SCYL3: variants seen among roughly 807,000 people sequenced by gnomAD.
SCYL3 encodes SCY1 like pseudokinase 3, also known as protein-associating with the carboxyl-terminal domain of ezrin.
SCYL3 carries 35 observed loss-of-function variants against 73.8 expected under a neutral mutation model. The ratio of observed to expected loss-of-function variants is 0.47; its 90% CI spans 0.36 to 0.63. SCYL3 has a LOEUF of 0.63. SCYL3 is among the 20% of genes least tolerant of loss of function. The probability of loss-of-function intolerance (pLI) is 0.00; values close to 1 mark genes in which losing one functional copy is unlikely to be tolerated. For missense variants in SCYL3, 712 were observed against 798.9 expected (o/e 0.89, Z 1.31); for synonymous variants, 277 against 295.2 (o/e 0.94, Z 0.63).
chr1:169,859,904 C>G (rs188171443), intron 10 of SCYL3: 8 of 152,456 alleles, frequency 5.2e-5, no homozygotes, highest in African/African-American at 1.9e-4. Context: ...CTCCCAGGAG[C>G]TGGGGACTAC....
At position 169,849,931 on chromosome 1, in the gene SCYL3, A is replaced by G. The variant is rs766792909; in HGVS notation, c.*3782T>C. On this transcript the variant is annotated 3_prime_UTR_variant, in exon 13 of 13. Coordinates refer to ENST00000367771, the MANE Select transcript of SCYL3 (RefSeq NM_020423.7). ...TACATTTCATTTTGTGCTATCAGTC[A>G]TAAGGGTTAGGCTGATGAACCTAAA... 36 of 467,956 alleles carry G rather than the reference A, an allele frequency of 7.7e-5. No homozygotes were observed. Among genetic ancestry groups the G allele is most frequent in the South Asian group, 5.2e-4 (20 of 38,318 alleles). 29.0% of individuals were successfully genotyped at this position (467,956 alleles called of 1,614,324 possible).
At chr1:169,857,173 A>G (rs1659248742) in intron 11 of SCYL3, among the ~76,000 whole-genome samples, 1 of 152,202 alleles carries the variant, frequency 6.6e-6, no homozygotes, top group Non-Finnish European at 1.5e-5. Flanking sequence ...TAGGCCAACA[A>G]AAGTCACAAG....
rs1025267795 is a variant in SCYL3 at position 169,850,062 on chromosome 1, A to T, written c.*3651T>A. 7.0e-6 allele frequency: 4 copies of T among 568,510 alleles called. No homozygotes were observed. The South Asian group carries it at 9.0e-5, about 13-fold the overall frequency. 35.2% of individuals were successfully genotyped at this position (568,510 alleles called of 1,614,324 possible). ...TTAGTATGACCCAGCAGAAGTAATT[A>T]AAGCTTACAACACTTGTACAGAAGT... On this transcript the variant is annotated 3_prime_UTR_variant, in exon 13 of 13. Transcript: ENST00000367771.
Position 169,850,787 on chromosome 1 carries a change from CTG to C in SCYL3, c.*2924_*2925del. On this transcript the variant is annotated 3_prime_UTR_variant, in exon 13 of 13. Transcript: ENST00000367771. ...CTCCAGCCTGAGCGACAGAGTGAGA[CTG>C]TCTCAAAAAAGGACACTTGTAGTTC... 1 of 157,420 alleles carries C rather than the reference CTG, an allele frequency of 6.4e-6. No individual in the cohort carries two copies. Among genetic ancestry groups the C allele is most frequent in the East Asian group, 1.8e-4 (1 of 5,492 alleles). The allele number at this position is 157,420 out of a possible 1,614,324, so 9.8% of individuals were successfully genotyped here. A position where few individuals can be genotyped will look rare whatever the true frequency, so the allele number is the denominator to read the frequency against.
Position 169,870,240 on chromosome 1 carries a change from A to G in SCYL3, c.625+15T>C, listed in dbSNP as rs139347844. The G allele has an allele frequency of 9.6e-6, 15 of 1,567,918 alleles. No homozygotes were observed. The African/African-American group carries it at 1.2e-4, about 13-fold the overall frequency. On this transcript the variant is annotated intron_variant, in intron 6 of 12. Transcript: ENST00000367771. Reference sequence around the variant, plus strand: ...CTACTTATTCTATAGATGCAGTAGTATAACTCCAACTCACCCTGTTCATTT... The same window carrying G: ...CTACTTATTCTATAGATGCAGTAGTGTAACTCCAACTCACCCTGTTCATTT...
At position 169,851,923 on chromosome 1, in the gene SCYL3, G is replaced by A; in HGVS notation, c.*1790C>T. 1.2e-6 allele frequency: 2 copies of A among 1,614,058 alleles called. No individual in the cohort carries two copies. Reference sequence around the variant, plus strand: ...AATGTGACTGTAGAAGAAGCAAAGAGGTCATCTTTACAGGTATGGGCTGAT... The same window carrying A: ...AATGTGACTGTAGAAGAAGCAAAGAAGTCATCTTTACAGGTATGGGCTGAT... On this transcript the variant is annotated 3_prime_UTR_variant, in exon 13 of 13. Transcript: ENST00000367771.
intron 2 of SCYL3, among the ~76,000 whole-genome samples, chr1:169,883,709 A>G (rs1279986334): frequency 1.4e-5 from 2 of 141,126 alleles, no homozygotes; most frequent in East Asian, 2.1e-4. Flanking sequence ...GGTTTCTCCA[A>G]TTACATTTTT....
intron 2 of SCYL3, among the ~76,000 whole-genome samples, chr1:169,881,598 C>T (rs1661263173): frequency 6.6e-6 from 1 of 152,144 alleles, no homozygotes; most frequent in African/African-American, 2.4e-5. Flanking sequence ...CCTACAATCC[C>T]CTACCCTTCC....
chr1:169,882,557 G>A (rs1038484166), intron 2 of SCYL3, among the ~76,000 whole-genome samples: 1 of 152,238 alleles, frequency 6.6e-6, no homozygotes, highest in Non-Finnish European at 1.5e-5. Context: ...TCCACTGGGT[G>A]AAGCCAGCTG....
chr1:169,858,559 T>C (rs1022253634), intron 11 of SCYL3, among the ~76,000 whole-genome samples: 2 of 151,650 alleles, frequency 1.3e-5, no homozygotes, highest in Admixed American at 1.3e-4. Context: ...TAGTCATTTG[T>C]TATCATTACC....
At position 169,864,486 on chromosome 1, in the gene SCYL3, A is replaced by G; in HGVS notation, c.838T>C (p.Cys280Arg). Residue 280 changes from cysteine to arginine, a missense_variant, in exon 9 of 13, where the codon TGC becomes CGC. Transcript: ENST00000367771. ...FFKFLLDRVS[C>R]LSEELIASRL... ...GAAGCTATCAATTCCTCTGACAAGC[A>G]GCTGACTCTGTCCAGCAGAAATCTG... is the stretch of plus-strand genomic sequence containing the variant. 6.2e-7 allele frequency: 1 copy of G among 1,607,748 alleles called. No homozygotes were observed. Among genetic ancestry groups the G allele is most frequent in the South Asian group, 1.1e-5 (1 of 89,606 alleles).
intron 8 of SCYL3, among the ~76,000 whole-genome samples, chr1:169,866,567 G>T (rs1401507805): frequency 1.3e-5 from 2 of 152,178 alleles, no homozygotes; most frequent in Non-Finnish European, 2.9e-5. Context: ...GTCACACTAG[G>T]TCTTGTCTTT....
At chr1:169,884,298 C>T (rs10158922) in intron 2 of SCYL3, among the ~76,000 whole-genome samples, 2,854 of 151,826 alleles carry the variant, frequency 0.019, 59 homozygotes, top group African/African-American at 0.052. Flanking sequence ...TTTTTTATTT[C>T]GTTTTGTTTT....
rs1657850348 is a variant in SCYL3, at chr1:169,849,642, C to T, written c.*4071G>A. On this transcript the variant is annotated 3_prime_UTR_variant, in exon 13 of 13. Coordinates refer to ENST00000367771, the MANE Select transcript of SCYL3 (RefSeq NM_020423.7). ...CTGATTTATCACAGTGACTTTCAAA[C>T]CATTTTAATATTTCAAATATTCCAG... 1 of 1,445,258 alleles carries T rather than the reference C, an allele frequency of 6.9e-7. No individual in the cohort carries two copies. The highest frequency in any genetic ancestry group is 9.7e-7 in the Non-Finnish European group (1 of 1,030,226). The allele number at this position is 1,445,258 out of a possible 1,614,324, so 89.5% of individuals were successfully genotyped here.
intron 2 of SCYL3, among the ~76,000 whole-genome samples, chr1:169,883,566 G>T (rs1374637853): frequency 6.6e-6 from 1 of 152,106 alleles, no homozygotes; most frequent in African/African-American, 2.4e-5. Flanking sequence ...AGTGAATACT[G>T]AACACCTTCT....
chr1:169,892,747 T>C (rs908287601), intron 1 of SCYL3, among the ~76,000 whole-genome samples: 2 of 152,348 alleles, frequency 1.3e-5, no homozygotes, highest in Non-Finnish European at 2.9e-5. Flanking sequence ...TCTGGACCGC[T>C]TGTAGATTAA....
rs200912363 is a variant in SCYL3, at chr1:169,854,962, C to T, written c.1315G>A (p.Asp439Asn). The T allele has an allele frequency of 9.4e-6, 15 of 1,593,162 alleles. No individual in the cohort carries two copies. The East Asian group carries it at 1.1e-4, about 12-fold the overall frequency. The change falls in exon 12 of 13, where the codon GAT becomes AAT. Residue 439 changes from aspartate (D) to asparagine (N), a missense_variant and splice_region_variant. Asp to Asn is a conservative substitution (Grantham distance 23, BLOSUM62 1). Coordinates refer to ENST00000367771, the MANE Select transcript of SCYL3 (RefSeq NM_020423.7). ...TKNTDLSLEG[D>N]PFSQPIKFPI... ...AATTTAATAGGCTGAGAAAATGGAT[C>T]GCCTGTAGGGAAAATAATTATTCTC...
intron 5 of SCYL3, among the ~76,000 whole-genome samples, chr1:169,870,771 A>C (rs1660336270): frequency 6.6e-6 from 1 of 152,038 alleles, no homozygotes; most frequent in African/African-American, 2.4e-5. Context: ...TTTTTTATAA[A>C]ATGCTAGTCA....
At chr1:169,870,477 C>T (rs909375658) in intron 5 of SCYL3, 120 bp from the exon 6 acceptor site, 29 of 664,258 alleles carry the variant, frequency 4.4e-5, no homozygotes, top group Non-Finnish European at 6.3e-5. Context: ...TTCAGACCAC[C>T]ACACATGAAT....
Sources: allele counts gnomAD v4.1 joint callset (sites outside exome capture counted in the v4.1 genomes callset), GRCh38; gene constraint gnomAD v4.1.1; transcripts MANE v1.5; gene names NCBI Gene and HGNC (gene_info 2026-07-23, HGNC 2026-07-21).